CLEC4F: variants seen among roughly 807,000 people sequenced by gnomAD.
CLEC4F encodes the protein C-type (calcium dependent, carbohydrate-recognition domain) lectin, superfamily member 13.
In CLEC4F, 45 loss-of-function variants were observed where a neutral mutation model predicts 53.4. That is an observed-to-expected ratio of 0.84 (90% CI 0.66 to 1.08). The LOEUF (loss-of-function observed/expected upper bound fraction) is 1.08, where lower values mean the gene tolerates loss of function less well. Ranked by LOEUF, CLEC4F falls within the 50% of genes least tolerant of loss-of-function variation. CLEC4F has a pLI of 0.00. For synonymous variants in CLEC4F, 245 were observed against 257.5 expected (o/e 0.95, Z 0.46); for missense variants, 753 against 698.2 (o/e 1.08, Z -0.88).
intron 3 of CLEC4F, among the ~76,000 whole-genome samples, chr2:70,818,795 T>C (rs1677067789): frequency 6.6e-6 from 1 of 150,434 alleles, no homozygotes; most frequent in South Asian, 2.1e-4. Flanking sequence ...ATTAGGCAGA[T>C]TTCTCACATA....
chr2:70,818,439 T>C (rs13035611), intron 3 of CLEC4F, among the ~76,000 whole-genome samples: 131,749 of 152,050 alleles, frequency 0.87, 57,686 homozygotes, highest in Non-Finnish European at 0.93. Flanking sequence ...GGGCTGGGCA[T>C]GGTGGCTCAC....
In CLEC4F at chr2:70,809,061, C is replaced by A; in HGVS notation, c.*210G>T. 13 of 1,540,902 alleles carry A rather than the reference C, an allele frequency of 8.4e-6. No individual in the cohort carries two copies. The highest frequency in any genetic ancestry group is 1.1e-5 in the Non-Finnish European group (13 of 1,145,748). ...CATTCTTGTGCCGCCAGTTGTCAGA[C>A]TGATTCTTTTCCCAAAACCCGAAGA... is the stretch of plus-strand genomic sequence containing the variant. On this transcript the variant is annotated 3_prime_UTR_variant, in exon 7 of 7. Transcript: ENST00000272367.
chr2:70,811,562 G>A (rs1448251221), intron 5 of CLEC4F: 2 of 338,582 alleles, frequency 5.9e-6, no homozygotes. Flanking sequence ...GGTCTCAGGC[G>A]AGCCAACAGG....
At chr2:70,812,341 A>G (rs550175378) in intron 5 of CLEC4F, 106 bp downstream of exon 5, 2 of 1,224,866 alleles carry the variant, frequency 1.6e-6, no homozygotes, top group African/African-American at 3.0e-5. Flanking sequence ...GGCAGAGGAG[A>G]CATGGAGGTC....
At chr2:70,811,206 A>G (rs1676541343) in intron 5 of CLEC4F, 5 of 747,016 alleles carry the variant, frequency 6.7e-6, no homozygotes, top group Non-Finnish European at 1.2e-5. Flanking sequence ...GATGGCATTC[A>G]CGCTGAAGTT....
intron 4 of CLEC4F, among the ~76,000 whole-genome samples, 194 bp downstream of exon 4, chr2:70,815,800 G>C (rs1316644865): frequency 6.6e-6 from 1 of 152,278 alleles, no homozygotes; most frequent in East Asian, 1.9e-4. Context: ...ACCGTGACCA[G>C]GTTATAAGCA....
chr2:70,814,191 C>T lies in CLEC4F; in HGVS notation c.1388-1593G>A, dbSNP rs144122382. Among the ~76,000 whole-genome samples the T allele has an allele frequency of 3.9e-3, 589 of 152,236 alleles. 6 individuals are homozygous for T. The highest frequency in any genetic ancestry group is 0.013 in the African/African-American group (555 of 41,524). On this transcript the variant is annotated intron_variant, in intron 4 of 6. Transcript: ENST00000272367. Reference sequence around the variant, plus strand: ...GTTCACCAGCACTAAATGGTACATCCCATGTGAAACAGTTTGGATTTTTTT... The same window carrying T: ...GTTCACCAGCACTAAATGGTACATCTCATGTGAAACAGTTTGGATTTTTTT...
Position 70,810,835 on chromosome 2 carries a change from C to A in CLEC4F, c.1540-978G>T, listed in dbSNP as rs12611961. The A allele has an allele frequency of 6.0e-4, 326 of 547,736 alleles. 2 individuals are homozygous for A. The East Asian group carries it at 7.5e-3, about 13-fold the overall frequency. The allele number at this position is 547,736 out of a possible 1,614,324, so 33.9% of individuals were successfully genotyped here. A position where few individuals can be genotyped will look rare whatever the true frequency, so the allele number is the denominator to read the frequency against. On this transcript the variant is annotated intron_variant, in intron 5 of 6. Coordinates refer to ENST00000272367, the MANE Select transcript of CLEC4F (RefSeq NM_173535.3). ...TTCCCCAGAAATTGAATTCTGTACT[C>A]CCTCTTCTAAAATTGGTACAATCAG...
At chr2:70,824,101 G>A (rs1553398526), upstream of CLEC4F, among the ~76,000 whole-genome samples, 2 of 151,770 alleles carry the variant, frequency 1.3e-5, no homozygotes, top group East Asian at 3.9e-4. Context: ...GGGAGCCAGA[G>A]CCAGGAGAGG....
At chr2:70,821,473 A>G (rs1474066093), upstream of CLEC4F, among the ~76,000 whole-genome samples, 3 of 134,144 alleles carry the variant, frequency 2.2e-5, no homozygotes, top group Non-Finnish European at 3.4e-5. Context: ...TCTGGGCTAT[A>G]ACGACTCTTA....
At chr2:70,814,483 T>C (rs782265100) in intron 4 of CLEC4F, among the ~76,000 whole-genome samples, 3 of 152,202 alleles carry the variant, frequency 2.0e-5, no homozygotes, top group Non-Finnish European at 4.4e-5. Context: ...ATAGCCCTAC[T>C]GAATCCAAAA....
upstream of CLEC4F, among the ~76,000 whole-genome samples, chr2:70,821,347 T>C (rs1426685639): frequency 6.6e-6 from 1 of 152,180 alleles, no homozygotes; most frequent in Non-Finnish European, 1.5e-5. Flanking sequence ...AATTTCAGGC[T>C]GGAGGCTGGT....
chr2:70,817,203 A>T, intron 3 of CLEC4F, 91 bp from the exon 4 acceptor site: 4 of 1,350,344 alleles, frequency 3.0e-6, no homozygotes, highest in Non-Finnish European at 4.0e-6. Context: ...AACATTTCCA[A>T]GGGAAATGGG....
chr2:70,824,385 TC>T (rs1230633126), upstream of CLEC4F, among the ~76,000 whole-genome samples: 3 of 151,378 alleles, frequency 2.0e-5, no homozygotes, highest in Non-Finnish European at 4.4e-5. Flanking sequence ...AATGATCTTT[TC>T]AAAAAAAATT....
At chr2:70,820,278 C>A (rs35637981) in intron 1 of CLEC4F, among the ~76,000 whole-genome samples, 185 bp downstream of exon 1, 1 of 152,098 alleles carries the variant, frequency 6.6e-6, no homozygotes, top group East Asian at 1.9e-4. Flanking sequence ...TGTGCAGAGC[C>A]GGGATTCCAA....
upstream of CLEC4F, among the ~76,000 whole-genome samples, chr2:70,822,984 G>A (rs1362775482): frequency 6.6e-6 from 1 of 152,250 alleles, no homozygotes; most frequent in Non-Finnish European, 1.5e-5. Flanking sequence ...CAGGAGAACA[G>A]CTTTGGCCCA....
intron 4 of CLEC4F, among the ~76,000 whole-genome samples, chr2:70,814,999 G>T (rs1417601433): frequency 6.6e-6 from 1 of 152,162 alleles, no homozygotes; most frequent in African/African-American, 2.4e-5. Flanking sequence ...GGCACTAGGA[G>T]ATGTGTGAAG....
intron 4 of CLEC4F, among the ~76,000 whole-genome samples, chr2:70,814,188 A>T (rs1222156672): frequency 2.6e-5 from 4 of 152,248 alleles, no homozygotes; most frequent in Non-Finnish European, 5.9e-5. Flanking sequence ...TAAATGGTAC[A>T]TCCCATGTGA....
chr2:70,812,334 A>T, intron 5 of CLEC4F, 113 bp downstream of exon 5: 1 of 1,145,992 alleles, frequency 8.7e-7, no homozygotes, highest in South Asian at 1.5e-5. Context: ...CCTGCCTGGC[A>T]GAGGAGACAT....
Sources: gnomAD v4.1 joint callset for allele counts (sites outside exome capture counted in the v4.1 genomes callset) on GRCh38, gnomAD v4.1.1 for gene constraint, MANE v1.5 for transcripts, NCBI Gene and HGNC (gene_info 2026-07-23, HGNC 2026-07-21) for gene names.